The following FBLN1 variants were observed in gnomAD, a reference collection of about 807,000 sequenced individuals.
FBLN1 encodes the protein fibulin-1.
Under a neutral mutation model 89.7 loss-of-function variants are expected in FBLN1, and 34 were observed. The observed-to-expected ratio is 0.38, with a 90% confidence interval of 0.29 to 0.50. FBLN1 has a LOEUF of 0.50. Ranked by LOEUF, FBLN1 falls within the 20% of genes least tolerant of loss-of-function variation. The pLI, the probability that FBLN1 is intolerant of heterozygous loss-of-function variation, is 0.92. For synonymous variants in FBLN1, 393 were observed against 391.3 expected (o/e 1.00, Z -0.05); for missense variants, 777 against 988.1 (o/e 0.79, Z 2.86).
At chr22:45,507,008 A>T (rs1268873890) in intron 1 of FBLN1, among the ~76,000 whole-genome samples, 1 of 152,196 alleles carries the variant, frequency 6.6e-6, no homozygotes, top group Non-Finnish European at 1.5e-5. Flanking sequence ...TTTCCTTGTG[A>T]TGATCTCACA....
At chr22:45,582,294 A>G (rs1214475563) in intron 16 of FBLN1, among the ~76,000 whole-genome samples, 1 of 152,226 alleles carries the variant, frequency 6.6e-6, no homozygotes, top group Non-Finnish European at 1.5e-5. Flanking sequence ...TAGAGGATAA[A>G]TAGTGAAGCA....
At position 45,530,386 on chromosome 22, in the gene FBLN1, A is replaced by G. The variant is rs2088389040; in HGVS notation, c.485-879A>G. Among the ~76,000 whole-genome samples the G allele has an allele frequency of 6.6e-6, 1 of 151,976 alleles. No homozygotes were observed. Among genetic ancestry groups the G allele is most frequent in the Non-Finnish European group, 1.5e-5 (1 of 68,002 alleles). ...TCTGCTTCAGTCCTTGCCCCAGACT[A>G]TCCTCGCATGCTCCCTCCTCTGGGA... On this transcript the variant is annotated intron_variant, in intron 4 of 16. Transcript: ENST00000327858. This position sits in a 1 kb window ranked among gnomAD's most constrained non-coding sequence, Gnocchi z 5.4.
At chr22:45,600,277 C>T (rs1920924597) in intron 16 of FBLN1, 30 bp from the exon 17 acceptor site, 1 of 1,614,162 alleles carries the variant, frequency 6.2e-7, no homozygotes, top group Non-Finnish European at 8.5e-7. Context: ...TCCCTTCTAA[C>T]TTCCAGCACA....
In FBLN1 at chr22:45,576,147, G is replaced by A. The variant is rs902063864; in HGVS notation, c.1841-830G>A. Among the ~76,000 whole-genome samples, 4 of 152,220 alleles carry A rather than the reference G, an allele frequency of 2.6e-5. No individual in the cohort carries two copies. The highest frequency in any genetic ancestry group is 6.5e-5 in the Admixed American group (1 of 15,294). On this transcript the variant is annotated intron_variant, in intron 15 of 16. Transcript: ENST00000327858. The surrounding 1 kb of genome is among the most constrained non-coding windows in gnomAD (Gnocchi z 5.2). The stretch of plus-strand genomic sequence containing the variant: ...TCCCGAAAAGGAATAACGCTGAATC[G>A]TCACAGGGTGGCACAGACTTGGGTC...
intron 16 of FBLN1, among the ~76,000 whole-genome samples, chr22:45,584,109 C>G (rs2089065007): frequency 6.6e-6 from 1 of 152,154 alleles, no homozygotes; most frequent in Non-Finnish European, 1.5e-5. Context: ...AACTGGAACC[C>G]GCAGCAAGGG....
At chr22:45,516,428 C>T (rs1418116263) in intron 1 of FBLN1, among the ~76,000 whole-genome samples, 1 of 152,184 alleles carries the variant, frequency 6.6e-6, no homozygotes, top group Non-Finnish European at 1.5e-5. Context: ...AGATAAGGTC[C>T]TTGGCTTAGT....
Position 45,575,213 on chromosome 22 carries a change from A to G in FBLN1, c.1840+560A>G, listed in dbSNP as rs1381594646. On this transcript the variant is annotated intron_variant, in intron 15 of 16. Coordinates refer to ENST00000327858, the MANE Select transcript of FBLN1 (RefSeq NM_006486.3). The surrounding 1 kb of genome is among the most constrained non-coding windows in gnomAD (Gnocchi z 6.3). ...GGTAACGGTTGTTCTGCAGAGAGCC[A>G]TTAAGCGCTGATTCTGTGACCAGCA... 6.6e-6 allele frequency among the ~76,000 whole-genome samples: 1 copy of G among 152,130 alleles called. No individual in the cohort carries two copies. The highest frequency in any genetic ancestry group is 1.5e-5 in the Non-Finnish European group (1 of 68,026).
chr22:45,535,107 C>A, intron 7 of FBLN1, 93 bp from the exon 8 acceptor site: 1 of 1,418,912 alleles, frequency 7.0e-7, no homozygotes, highest in Non-Finnish European at 1.0e-6. Context: ...GAGTAATGCG[C>A]ATTAGAAAAA....
chr22:45,559,411 G>A (rs182825009), intron 14 of FBLN1, among the ~76,000 whole-genome samples: 19 of 152,280 alleles, frequency 1.2e-4, no homozygotes, highest in Admixed American at 6.5e-4. Context: ...CAATCCCTCC[G>A]GGAATACGAT....
At chr22:45,508,875 T>A (rs2088061177) in intron 1 of FBLN1, among the ~76,000 whole-genome samples, 1 of 152,200 alleles carries the variant, frequency 6.6e-6, no homozygotes, top group African/African-American at 2.4e-5. Context: ...CTCATGGCAC[T>A]AAGTACAGAG....
At chr22:45,520,901 C>T (rs189843548) in intron 2 of FBLN1, among the ~76,000 whole-genome samples, 12 of 152,212 alleles carry the variant, frequency 7.9e-5, no homozygotes, top group Admixed American at 3.3e-4. Context: ...CTGCAACCTC[C>T]GCCTCCTAGA....
intron 16 of FBLN1, among the ~76,000 whole-genome samples, chr22:45,586,667 C>G (rs1414061379): frequency 6.6e-6 from 1 of 152,222 alleles, no homozygotes; most frequent in Non-Finnish European, 1.5e-5. Flanking sequence ...CCTGAGCCAT[C>G]AGGGACTGCA....
chr22:45,538,221 G>T (rs1302147169), intron 8 of FBLN1, among the ~76,000 whole-genome samples: 1 of 152,226 alleles, frequency 6.6e-6, no homozygotes, highest in Non-Finnish European at 1.5e-5. Context: ...CTTAGCTTGG[G>T]ATGCTGGGAT....
At chr22:45,541,719 A>C (rs1380722603) in intron 9 of FBLN1, among the ~76,000 whole-genome samples, 1 of 152,202 alleles carries the variant, frequency 6.6e-6, no homozygotes, top group Non-Finnish European at 1.5e-5. Flanking sequence ...AATTCAGGCA[A>C]TGTGGGTCTG....
At chr22:45,543,614 C>A in intron 11 of FBLN1, 88 bp downstream of exon 11, 1 of 1,492,762 alleles carries the variant, frequency 6.7e-7, no homozygotes, top group Non-Finnish European at 9.1e-7. Context: ...TGCAGCAGAT[C>A]CGCGATGGTT....
chr22:45,534,908 A>C (rs1199238848), intron 7 of FBLN1, among the ~76,000 whole-genome samples: 1 of 152,236 alleles, frequency 6.6e-6, no homozygotes, highest in East Asian at 1.9e-4. Flanking sequence ...CTTAGCCTGA[A>C]TGAATACTAA....
chr22:45,545,761 T>C lies in FBLN1; in HGVS notation c.1322-1324T>C, dbSNP rs937979594. 6.6e-6 allele frequency among the ~76,000 whole-genome samples: 1 copy of C among 152,120 alleles called. No homozygotes were observed. The highest frequency in any genetic ancestry group is 2.4e-5 in the African/African-American group (1 of 41,424). ...TATTGGACGTTCTGTGACAGCCACA[T>C]AGTATAGATTTAAGGCTTTTCCAGC... On this transcript the variant is annotated intron_variant, in intron 11 of 16. Coordinates refer to ENST00000327858, the MANE Select transcript of FBLN1 (RefSeq NM_006486.3). This position sits in a 1 kb window ranked among gnomAD's most constrained non-coding sequence, Gnocchi z 5.9.
chr22:45,566,670 G>C (rs772487127), intron 14 of FBLN1, among the ~76,000 whole-genome samples: 3 of 152,218 alleles, frequency 2.0e-5, no homozygotes, highest in Non-Finnish European at 2.9e-5. Flanking sequence ...CACTCCATAG[G>C]TGTGAGTGTG....
At chr22:45,586,903 A>G (rs3788666) in intron 16 of FBLN1, among the ~76,000 whole-genome samples, 13,446 of 152,132 alleles carry the variant, frequency 0.088, 691 homozygotes, top group Middle Eastern at 0.19. Context: ...AGCCAGCAGA[A>G]AGGGCTGGGC....
Sources: gnomAD v4.1 joint callset for allele counts (sites outside exome capture counted in the v4.1 genomes callset) on GRCh38, gnomAD v4.1.1 for gene constraint, Gnocchi (gnomAD v3.1) non-coding constraint, MANE v1.5 for transcripts, NCBI Gene and HGNC (gene_info 2026-07-23, HGNC 2026-07-21) for gene names.